PLXNC1: variants seen among roughly 807,000 people sequenced by gnomAD.
The protein encoded by PLXNC1 is plexin-C1.
Under a neutral mutation model 178.2 loss-of-function variants are expected in PLXNC1, and 75 were observed. The ratio of observed to expected loss-of-function variants is 0.42; its 90% CI spans 0.35 to 0.51. The LOEUF (loss-of-function observed/expected upper bound fraction) is 0.51, where lower values mean the gene tolerates loss of function less well. Among genes scored for constraint, PLXNC1 ranks in the 20% least tolerant of loss-of-function variants. PLXNC1 has a pLI of 0.02. For synonymous variants in PLXNC1, 790 were observed against 779.9 expected (o/e 1.01, Z -0.22); for missense variants, 1,503 against 1,984.4 (o/e 0.76, Z 4.61).
At chr12:94,151,070 G>T (rs1310703652) in intron 1 of PLXNC1, among the ~76,000 whole-genome samples, 1 of 152,194 alleles carries the variant, frequency 6.6e-6, no homozygotes, top group African/African-American at 2.4e-5. Context: ...CCTGAGAGGG[G>T]AGCCTGCTGG....
intron 6 of PLXNC1, among the ~76,000 whole-genome samples, chr12:94,222,151 C>T (rs1963813298): frequency 6.6e-6 from 1 of 152,180 alleles, no homozygotes; most frequent in Non-Finnish European, 1.5e-5. Context: ...TAATTTTGTT[C>T]ATTAAAACGC....
At chr12:94,225,259 TTTGA>T (rs1963907193) in intron 7 of PLXNC1, among the ~76,000 whole-genome samples, 2 of 152,170 alleles carry the variant, frequency 1.3e-5, no homozygotes, top group African/African-American at 4.8e-5. Flanking sequence ...CACTGCATAG[TTTGA>T]TTGACCAGTT....
chr12:94,224,216 C>G lies in PLXNC1; in HGVS notation c.1703-12C>G. On this transcript the variant is annotated splice_polypyrimidine_tract_variant and intron_variant, in intron 6 of 30. Coordinates refer to ENST00000258526, the MANE Select transcript of PLXNC1 (RefSeq NM_005761.3). Reference sequence around the variant, plus strand: ...CTCCACCGTAAATGACATTTTCCCCCCTTCCCTCCAGATGTTTCAGTTGTC... The same window carrying G: ...CTCCACCGTAAATGACATTTTCCCCGCTTCCCTCCAGATGTTTCAGTTGTC... 4 of 1,514,966 alleles carry G rather than the reference C, an allele frequency of 2.6e-6. No individual in the cohort carries two copies. The highest frequency in any genetic ancestry group is 3.7e-6 in the Non-Finnish European group (4 of 1,089,650). 93.8% of individuals were successfully genotyped at this position (1,514,966 alleles called of 1,614,324 possible).
intron 26 of PLXNC1, among the ~76,000 whole-genome samples, chr12:94,298,361 T>TAGAG (rs1184076878): frequency 1.1e-4 from 17 of 152,208 alleles, no homozygotes; most frequent in African/African-American, 4.1e-4. Flanking sequence ...TTTCAACTGC[T>TAGAG]AGAGATTTCT....
intron 23 of PLXNC1, among the ~76,000 whole-genome samples, chr12:94,294,057 C>G (rs368490543): frequency 6.6e-6 from 1 of 152,290 alleles, no homozygotes; most frequent in East Asian, 1.9e-4. Flanking sequence ...GGAGGAGACA[C>G]AAACATTCAG....
intron 11 of PLXNC1, among the ~76,000 whole-genome samples, chr12:94,243,319 A>C (rs1964442252): frequency 6.6e-6 from 1 of 152,250 alleles, no homozygotes; most frequent in Admixed American, 6.5e-5. Context: ...AGCTGTGGAC[A>C]GCTGTTTCTT....
chr12:94,263,136 A>T (rs1389357819), intron 20 of PLXNC1, among the ~76,000 whole-genome samples: 2 of 152,178 alleles, frequency 1.3e-5, no homozygotes, highest in African/African-American at 4.8e-5. Flanking sequence ...TAGTGGTGAC[A>T]GAGAAACCTC....
intron 25 of PLXNC1, 36 bp downstream of exon 25, chr12:94,297,256 G>T: frequency 6.2e-7 from 1 of 1,613,360 alleles, no homozygotes; most frequent in Non-Finnish European, 8.5e-7. Flanking sequence ...CCACTGAACT[G>T]CATGCCTTCT....
chr12:94,268,208 A>G (rs1292141532), intron 21 of PLXNC1, among the ~76,000 whole-genome samples: 2 of 152,162 alleles, frequency 1.3e-5, no homozygotes, highest in Admixed American at 1.3e-4. Context: ...TCAGATGAGG[A>G]TGTGTTCTCC....
chr12:94,208,011 T>C (rs1360877456), intron 4 of PLXNC1, among the ~76,000 whole-genome samples: 2 of 152,204 alleles, frequency 1.3e-5, no homozygotes, highest in African/African-American at 4.8e-5. Flanking sequence ...TCATGATCTA[T>C]TTCAGATACA....
intron 15 of PLXNC1, among the ~76,000 whole-genome samples, chr12:94,251,820 C>T (rs1009476746): frequency 3.9e-5 from 6 of 152,094 alleles, no homozygotes; most frequent in Non-Finnish European, 4.4e-5. Flanking sequence ...GGCAAAACCC[C>T]GTCTCTACTA....
rs143604479 is a variant in PLXNC1 at position 94,237,962 on chromosome 12, G to A, written c.2120+159G>A. Among the ~76,000 whole-genome samples the A allele has an allele frequency of 1.5e-3, 234 of 152,260 alleles. 1 individual carries two copies. The highest frequency in any genetic ancestry group is 5.5e-3 in the African/African-American group (229 of 41,556). The stretch of plus-strand genomic sequence containing the variant: ...ATTTGACATAATATAATTCCAACAC[G>A]TAAAATAATTTTCACAACAGATCTG... On this transcript the variant is annotated intron_variant, in intron 10 of 30. Coordinates refer to ENST00000258526, the MANE Select transcript of PLXNC1 (RefSeq NM_005761.3).
chr12:94,189,779 A>G (rs1389572415), intron 4 of PLXNC1, among the ~76,000 whole-genome samples: 2 of 152,110 alleles, frequency 1.3e-5, no homozygotes, highest in African/African-American at 2.4e-5. Context: ...GTTATTGGCA[A>G]TGACAGGGTC....
At chr12:94,212,273 C>CAAAAAAAAAAAAAAAAA (rs146191533) in intron 5 of PLXNC1, among the ~76,000 whole-genome samples, 1 of 89,158 alleles carries the variant, frequency 1.1e-5, no homozygotes, top group African/African-American at 4.5e-5. Flanking sequence ...GACTCCGTCT[C>CAAAAAAAAAAAAAAAAA]AAAAAAAAAA....
intron 4 of PLXNC1, among the ~76,000 whole-genome samples, chr12:94,187,192 G>GAGAGAGAGAA (rs5800150): frequency 8.7e-5 from 13 of 148,586 alleles, no homozygotes; most frequent in African/African-American, 3.2e-4. Flanking sequence ...GAGAGAGAGA[G>GAGAGAGAGAA]AAAAAAAAAC....
chr12:94,305,088 C>T (rs1565878575), intron 30 of PLXNC1, 93 bp from the exon 31 acceptor site: 1 of 729,514 alleles, frequency 1.4e-6, no homozygotes, highest in Admixed American at 2.5e-5. Context: ...CTGTTTCATA[C>T]AGATTTTACC....
rs139882293 is a variant in PLXNC1 at position 94,228,913 on chromosome 12, T to C, written c.1980+1678T>C. 3.0e-3 allele frequency among the ~76,000 whole-genome samples: 451 copies of C among 152,344 alleles called. 3 individuals carry two copies. Among genetic ancestry groups the C allele is most frequent in the African/African-American group, 9.1e-3 (379 of 41,576 alleles). On this transcript the variant is annotated intron_variant, in intron 9 of 30. Transcript: ENST00000258526. ...ACCCTGCTCTCAGTTCTTTTCGGTATATGCCCAGAAGCAGAATTACTGGAT... is the reference window on the plus strand; with the variant it reads ...ACCCTGCTCTCAGTTCTTTTCGGTACATGCCCAGAAGCAGAATTACTGGAT...
chr12:94,284,014 C>T (rs1473071380), intron 23 of PLXNC1, among the ~76,000 whole-genome samples: 1 of 142,192 alleles, frequency 7.0e-6, no homozygotes, highest in Non-Finnish European at 1.5e-5. Flanking sequence ...ACCCGGGAGG[C>T]GGAGGTTGCA....
chr12:94,201,255 C>T (rs573073755), intron 4 of PLXNC1, among the ~76,000 whole-genome samples: 7 of 152,308 alleles, frequency 4.6e-5, no homozygotes, highest in Admixed American at 1.3e-4. Flanking sequence ...CAAGAAGCCT[C>T]GAATTGTGTC....
Sources: allele counts gnomAD v4.1 joint callset (sites outside exome capture counted in the v4.1 genomes callset), GRCh38; gene constraint gnomAD v4.1.1; transcripts MANE v1.5; gene names NCBI Gene and HGNC (gene_info 2026-07-23, HGNC 2026-07-21).